ZNF280D: variants seen among roughly 807,000 people sequenced by gnomAD.
ZNF280D encodes the protein zinc finger protein 280D, also known as suppressor of hairy wing homolog 4.
Under a neutral mutation model 94.7 loss-of-function variants are expected in ZNF280D, and 39 were observed. The ratio of observed to expected loss-of-function variants is 0.41; its 90% CI spans 0.32 to 0.54. ZNF280D has a LOEUF of 0.54. ZNF280D is among the 20% of genes least tolerant of loss of function. The pLI is 0.22. For missense variants in ZNF280D, 1,090 were observed against 1,149.3 expected (o/e 0.95, Z 0.75); for synonymous variants, 398 against 377.6 (o/e 1.05, Z -0.63).
In ZNF280D at chr15:56,666,464, G is replaced by T. The variant is rs751081566; in HGVS notation, c.1925C>A (p.Thr642Lys). The T allele has an allele frequency of 1.2e-6, 2 of 1,601,474 alleles. No individual in the cohort carries two copies. Among genetic ancestry groups the T allele is most frequent in the South Asian group, 1.1e-5 (1 of 88,044 alleles). ...EIKDFANHFP[T>K]YVHCSFCRYN... ...TCTGCAAAAACTACAGTGGACGTACGTAGGAAAGTGGTTTGCAAAATCTTT... is the reference window on the plus strand; with the variant it reads ...TCTGCAAAAACTACAGTGGACGTACTTAGGAAAGTGGTTTGCAAAATCTTT... Residue 642 changes from threonine to lysine, a missense_variant, in exon 16 of 22, where the codon ACG becomes AAG. By Grantham distance (78) the Thr-to-Lys change is moderately conservative (BLOSUM62 -1). Around this residue, in one of 3 missense-constraint regions of ZNF280D, gnomAD observed 577 missense variants for 568.8 expected, o/e 1.01. Transcript: ENST00000267807.
chr15:56,679,143 T>C (rs78972145), intron 10 of ZNF280D, among the ~76,000 whole-genome samples: 4,232 of 152,170 alleles, frequency 0.028, 188 homozygotes, highest in African/African-American at 0.097. Context: ...TGATCCATAC[T>C]TGAAATCCTA....
intron 6 of ZNF280D, 87 bp downstream of exon 6, chr15:56,700,846 T>C (rs1342820597): frequency 4.4e-6 from 7 of 1,607,576 alleles, no homozygotes; most frequent in Non-Finnish European, 6.0e-6. Context: ...CTTATGACAG[T>C]CCAGAATTGT....
intron 1 of ZNF280D, among the ~76,000 whole-genome samples, chr15:56,731,168 A>C (rs2058863280): frequency 6.6e-6 from 1 of 152,170 alleles, no homozygotes; most frequent in African/African-American, 2.4e-5. Flanking sequence ...TAAAACATGG[A>C]ATATGGGTTA....
At chr15:56,698,239 G>A (rs1407783704) in intron 6 of ZNF280D, 1 of 152,128 alleles carries the variant, frequency 6.6e-6, no homozygotes, top group South Asian at 2.1e-4. Flanking sequence ...TAGTTATGTG[G>A]AAAATACTAG....
intron 13 of ZNF280D, among the ~76,000 whole-genome samples, chr15:56,672,629 C>T (rs2054946833): frequency 6.6e-6 from 1 of 151,676 alleles, no homozygotes; most frequent in Non-Finnish European, 1.5e-5. Flanking sequence ...GGATATTGGC[C>T]TGAAGTTTTG....
In ZNF280D at chr15:56,675,071, C is replaced by T. The variant is rs546513269; in HGVS notation, c.1410+1599G>A. 2.6e-5 allele frequency among the ~76,000 whole-genome samples: 4 copies of T among 151,980 alleles called. No homozygotes were observed. The South Asian group carries it at 8.3e-4, about 32-fold the overall frequency. On this transcript the variant is annotated intron_variant, in intron 13 of 21. Coordinates refer to ENST00000267807, the MANE Select transcript of ZNF280D (RefSeq NM_017661.4). The stretch of plus-strand genomic sequence containing the variant: ...CCAATGATCCTTACTAATAGACTGC[C>T]CCCTCTTTACTGCTGGCTATCTACC...
At chr15:56,700,109 C>T in intron 6 of ZNF280D, 1 of 774,158 alleles carries the variant, frequency 1.3e-6, no homozygotes, top group South Asian at 5.9e-5. Context: ...TCTTGGGGAA[C>T]CCCAGGGGAT....
In ZNF280D at chr15:56,707,199, A is replaced by G. The variant is rs2057460956; in HGVS notation, c.-41-49T>C. ...TAATGAGTCACTTTAAGTAACACCA[A>G]ATATTGAAACATGAAACTTGGGATT... is the stretch of plus-strand genomic sequence containing the variant. On this transcript the variant is annotated intron_variant, in intron 2 of 21. Coordinates refer to ENST00000267807, the MANE Select transcript of ZNF280D (RefSeq NM_017661.4). 3.7e-6 allele frequency: 6 copies of G among 1,607,098 alleles called. No individual in the cohort carries two copies. The East Asian group carries it at 1.3e-4, about 36-fold the overall frequency.
chr15:56,726,326 G>C (rs1239600648), intron 1 of ZNF280D, among the ~76,000 whole-genome samples: 1 of 152,092 alleles, frequency 6.6e-6, no homozygotes, highest in Non-Finnish European at 1.5e-5. Context: ...TATACTATCA[G>C]AGTCCAAAGG....
At chr15:56,656,049 A>G (rs538367260) in intron 17 of ZNF280D, among the ~76,000 whole-genome samples, 22 of 152,286 alleles carry the variant, frequency 1.4e-4, no homozygotes, top group African/African-American at 5.1e-4. Context: ...AGATCACTAC[A>G]AGAACTGTAA....
chr15:56,724,088 T>A (rs1459565678), intron 1 of ZNF280D, among the ~76,000 whole-genome samples: 1 of 152,152 alleles, frequency 6.6e-6, no homozygotes, highest in Non-Finnish European at 1.5e-5. Context: ...CACATATCAC[T>A]AGCCCGGAAA....
At chr15:56,682,172 T>C (rs139307861) in intron 10 of ZNF280D, 82 bp downstream of exon 10, 245 of 1,045,526 alleles carry the variant, frequency 2.3e-4, no homozygotes, top group Non-Finnish European at 3.2e-4. Flanking sequence ...TAGAATGGCA[T>C]AGAAAACACA....
At chr15:56,680,481 A>C (rs1230433391) in intron 10 of ZNF280D, among the ~76,000 whole-genome samples, 1 of 152,024 alleles carries the variant, frequency 6.6e-6, no homozygotes, top group Non-Finnish European at 1.5e-5. Flanking sequence ...TGAATTTTTC[A>C]TTTTCTTTTT....
At chr15:56,642,010 G>T (rs536083482) in intron 20 of ZNF280D, among the ~76,000 whole-genome samples, 1 of 151,598 alleles carries the variant, frequency 6.6e-6, no homozygotes, top group Non-Finnish European at 1.5e-5. Context: ...TCATGAATGA[G>T]AGGGGATATC....
At chr15:56,722,617 T>G (rs1163906003) in intron 1 of ZNF280D, among the ~76,000 whole-genome samples, 1 of 152,340 alleles carries the variant, frequency 6.6e-6, no homozygotes, top group South Asian at 2.1e-4. Context: ...GGAACACTTT[T>G]ACACTGTTGG....
rs755174920 is a variant in ZNF280D at position 56,631,692 on chromosome 15, T to C, written c.2746A>G (p.Ile916Val). ...GATGGAGTCAGAGGTTCCAAATGAA[T>C]ACTGCCTTGCTCGCTAACATCAGAA... ...VSSDVSEQGS[I>V]HLEPLTPSEV... The change falls in exon 22 of 22, where the codon ATT becomes GTT. Residue 916 changes from isoleucine to valine, a missense_variant. Ile to Val is a conservative substitution (Grantham distance 29, BLOSUM62 3). This residue lies in a region of ZNF280D where 577 missense variants were observed against 568.8 expected (regional missense o/e 1.01). Transcript: ENST00000267807. 9 of 1,614,056 alleles carry C rather than the reference T, an allele frequency of 5.6e-6. No individual in the cohort carries two copies. Among genetic ancestry groups the C allele is most frequent in the Non-Finnish European group, 7.6e-6 (9 of 1,180,014 alleles).
At chr15:56,658,932 G>C (rs1235997151) in intron 16 of ZNF280D, among the ~76,000 whole-genome samples, 1 of 151,142 alleles carries the variant, frequency 6.6e-6, no homozygotes, top group Non-Finnish European at 1.5e-5. Flanking sequence ...GGATCCAAAT[G>C]ATCTGGGAAG....
Position 56,713,886 on chromosome 15 carries a change from T to G in ZNF280D, c.-85-6580A>C, listed in dbSNP as rs1789510748. 2.6e-5 allele frequency among the ~76,000 whole-genome samples: 4 copies of G among 152,302 alleles called. No homozygotes were observed. In the Middle Eastern group the frequency reaches 0.014, roughly 518 times the overall value. On this transcript the variant is annotated intron_variant, in intron 1 of 21. Coordinates refer to ENST00000267807, the MANE Select transcript of ZNF280D (RefSeq NM_017661.4). Reference sequence around the variant, plus strand: ...ACAGGATTAGAAAAGCAGTGAATGATGATACCTACTTTGGCACTATAAGAC... The same window carrying G: ...ACAGGATTAGAAAAGCAGTGAATGAGGATACCTACTTTGGCACTATAAGAC...
chr15:56,667,671 A>G (rs1385210288), intron 14 of ZNF280D, among the ~76,000 whole-genome samples: 1 of 152,154 alleles, frequency 6.6e-6, no homozygotes, highest in Non-Finnish European at 1.5e-5. Flanking sequence ...CTCCTCCGGT[A>G]TTTGAGGAAC....
Sources: gnomAD v4.1 joint callset for allele counts (sites outside exome capture counted in the v4.1 genomes callset) on GRCh38, gnomAD v4.1.1 for gene constraint, gnomAD v4.1.1 regional missense constraint, MANE v1.5 for transcripts, NCBI Gene and HGNC (gene_info 2026-07-23, HGNC 2026-07-21) for gene names.